The following ZNF805 variants were observed in gnomAD, a reference collection of about 807,000 sequenced individuals.
ZNF805 encodes zinc finger protein 805.
Under a neutral mutation model 13.6 loss-of-function variants are expected in ZNF805, and 7 were observed. The ratio of observed to expected loss-of-function variants is 0.51; its 90% confidence interval spans 0.29 to 0.97. The LOEUF is 0.97. ZNF805 is among the 50% of genes least tolerant of loss of function. The pLI is 0.08. For synonymous variants in ZNF805, 293 were observed against 279.8 expected, an observed-to-expected ratio of 1.05 and a Z score of -0.47; for missense variants, 604 against 771.0, an observed-to-expected ratio of 0.78 and a Z score of 2.57.
At position 57,253,402 on chromosome 19, in the gene ZNF805, G is replaced by C; in HGVS notation, c.583G>C (p.Val195Leu). ...CDSHGSGKNP[V>L]IQEEENIFKC... Reference sequence around the variant, plus strand: ...CTCACATGGATCAGGTAAAAATCCAGTTATTCAGGAAGAGGAAAATATCTT... The same window carrying C: ...CTCACATGGATCAGGTAAAAATCCACTTATTCAGGAAGAGGAAAATATCTT... The change falls in exon 4 of 4, where the codon GTT becomes CTT. Residue 195 changes from valine (V) to leucine (L), a missense_variant. By Grantham distance (32) the Val-to-Leu change is conservative (BLOSUM62 1). This residue lies in a region of ZNF805 where 327 missense variants were observed against 378.2 expected (regional missense o/e 0.86). Transcript: ENST00000414468. The surrounding 1 kb of genome is among the most constrained non-coding windows in gnomAD (Gnocchi z 4.4). The C allele has an allele frequency of 6.4e-7, 1 of 1,560,500 alleles. No homozygotes were observed. The highest frequency in any genetic ancestry group is 8.7e-7 in the Non-Finnish European group (1 of 1,151,860).
chr19:57,240,641 C>A lies in ZNF805; in HGVS notation c.-251C>A. The A allele has an allele frequency of 2.0e-6, 1 of 496,226 alleles. No homozygotes were observed. Among genetic ancestry groups the A allele is most frequent in the Non-Finnish European group, 3.6e-6 (1 of 279,330 alleles). The allele number at this position is 496,226 out of a possible 1,614,324, so 30.7% of individuals were successfully genotyped here. Reference sequence around the variant, plus strand: ...GTAATTTGGGAGCGACGGTTCCGTCCACGCCGGCTCTAGGGAGGGGGCGGT... The same window carrying A: ...GTAATTTGGGAGCGACGGTTCCGTCAACGCCGGCTCTAGGGAGGGGGCGGT... On this transcript the variant is annotated 5_prime_UTR_variant, in exon 1 of 4. Transcript: ENST00000414468.
At position 57,254,609 on chromosome 19, in the gene ZNF805, T is replaced by G; in HGVS notation, c.1790T>G (p.Val597Gly). ...ELLLGKNFLN[V>G]TTEENLLQEE... ...TTATTGGGGAAAAACTTTTTGAATG[T>G]CACCACTGAGGAAAATCTTTTGCAA... Residue 597 changes from valine to glycine, a missense_variant, in exon 4 of 4, where the codon GTC (valine) becomes GGC (glycine). This residue lies in a region of ZNF805 where 49 missense variants were observed against 40.0 expected (regional missense o/e 1.23). Transcript: ENST00000414468. 1 of 1,614,114 alleles carries G rather than the reference T, an allele frequency of 6.2e-7. No individual in the cohort carries two copies. Among genetic ancestry groups the G allele is most frequent in the Non-Finnish European group, 8.5e-7 (1 of 1,179,984 alleles).
At chr19:57,246,227 G>A (rs1042082361) in intron 2 of ZNF805, among the ~76,000 whole-genome samples, 5 of 152,196 alleles carry the variant, frequency 3.3e-5, no homozygotes, top group Admixed American at 6.5e-5. Context: ...CGGCTGGAGT[G>A]CAGTGGTTTG....
rs370856985 is a variant in ZNF805 at position 57,253,974 on chromosome 19, G to A, written c.1155G>A (p.Ala385=). Residue 385 remains alanine, a synonymous_variant, in exon 4 of 4, where the codon GCG becomes GCA. Coordinates refer to ENST00000414468, the MANE Select transcript of ZNF805 (RefSeq NM_001023563.4). The surrounding 1 kb of genome is among the most constrained non-coding windows in gnomAD (Gnocchi z 4.4). ...ECGKAFCESA[A]LIHHYVIHTG... The stretch of plus-strand genomic sequence containing the variant: ...GGAAGGCCTTCTGTGAGAGCGCAGC[G>A]CTGATTCACCACTATGTCATCCACA... 2.3e-5 allele frequency: 37 copies of A among 1,612,196 alleles called. No individual in the cohort carries two copies. The highest frequency in any genetic ancestry group is 4.0e-5 in the African/African-American group (3 of 74,280).
At chr19:57,252,660 C>T (rs767881284) in intron 3 of ZNF805, among the ~76,000 whole-genome samples, 5 of 152,214 alleles carry the variant, frequency 3.3e-5, no homozygotes, top group African/African-American at 7.2e-5. Flanking sequence ...TTCCAGCCTT[C>T]GTCCCTTTTC....
intron 1 of ZNF805, among the ~76,000 whole-genome samples, chr19:57,242,029 T>C (rs911926307): frequency 1.3e-5 from 2 of 152,246 alleles, no homozygotes; most frequent in Non-Finnish European, 1.5e-5. Context: ...TTGGCCTTCA[T>C]TGAGTCCTTG....
At position 57,259,422 on chromosome 19, in the gene ZNF805, G is replaced by A. The variant is rs1436928343; in HGVS notation, c.*4719G>A. Among the ~76,000 whole-genome samples, 4 of 151,464 alleles carry A rather than the reference G, an allele frequency of 2.6e-5. No individual in the cohort carries two copies. The highest frequency in any genetic ancestry group is 5.9e-5 in the Non-Finnish European group (4 of 67,922). On this transcript the variant is annotated 3_prime_UTR_variant, in exon 4 of 4. Transcript: ENST00000414468. ...CACTGATTCTTTTTTTCTGCCATAT[G>A]CAGTCTACTGTTGAGCTTGTCCAAT...
rs570710714 is a variant in ZNF805, at chr19:57,245,561, C to T, written c.157+1512C>T. Among the ~76,000 whole-genome samples the T allele has an allele frequency of 4.3e-3, 646 of 150,746 alleles. 15 individuals carry two copies. In the East Asian group the frequency reaches 0.068, roughly 16 times the overall value. Reference sequence around the variant, plus strand: ...TTGGGAGGCCGAGATGGGCGGATCACAAGGTCAGGAGATAGAGACCATCCT... The same window carrying T: ...TTGGGAGGCCGAGATGGGCGGATCATAAGGTCAGGAGATAGAGACCATCCT... On this transcript the variant is annotated intron_variant, in intron 2 of 3. Coordinates refer to ENST00000414468, the MANE Select transcript of ZNF805 (RefSeq NM_001023563.4).
intron 3 of ZNF805, 116 bp from the exon 4 acceptor site, chr19:57,252,957 A>G (rs891727925): frequency 1.0e-6 from 1 of 952,508 alleles, no homozygotes; most frequent in South Asian, 3.6e-5. Context: ...AGATGGCAAA[A>G]TATAACAGAC....
intron 2 of ZNF805, among the ~76,000 whole-genome samples, chr19:57,245,741 T>C (rs1006397934): frequency 9.3e-5 from 14 of 150,574 alleles, no homozygotes; most frequent in South Asian, 6.3e-4. Context: ...ATTGCACCAC[T>C]GCACTCCAGC....
chr19:57,261,147 T>C lies in ZNF805; in HGVS notation c.*6444T>C, dbSNP rs2122855032. 6.6e-6 allele frequency among the ~76,000 whole-genome samples: 1 copy of C among 152,338 alleles called. No individual in the cohort carries two copies. Among genetic ancestry groups the C allele is most frequent in the African/African-American group, 2.4e-5 (1 of 41,576 alleles). ...GTCTTTGTTTCCTGGTCATCACTTG[T>C]TTTTACTAAAATGGGTCAAACTGTG... is the stretch of plus-strand genomic sequence containing the variant. On this transcript the variant is annotated 3_prime_UTR_variant, in exon 4 of 4. Coordinates refer to ENST00000414468, the MANE Select transcript of ZNF805 (RefSeq NM_001023563.4).
chr19:57,254,224 G>A lies in ZNF805; in HGVS notation c.1405G>A (p.Asp469Asn). The change falls in exon 4 of 4, where the codon GAC becomes AAC. Residue 469 changes from aspartate to asparagine, a missense_variant. Coordinates refer to ENST00000414468, the MANE Select transcript of ZNF805 (RefSeq NM_001023563.4). ...ECGKAFSNRA[D>N]LIRHFSIHTG... Reference sequence around the variant, plus strand: ...TGGGAAAGCCTTTAGCAATAGGGCAGACCTCATTCGCCACTTCAGCATCCA... The same window carrying A: ...TGGGAAAGCCTTTAGCAATAGGGCAAACCTCATTCGCCACTTCAGCATCCA... 1 of 1,613,282 alleles carries A rather than the reference G, an allele frequency of 6.2e-7. No homozygotes were observed. The highest frequency in any genetic ancestry group is 8.5e-7 in the Non-Finnish European group (1 of 1,179,834).
rs1158204368 is a variant in ZNF805 at position 57,262,201 on chromosome 19, T to C, written c.*7498T>C. On this transcript the variant is annotated 3_prime_UTR_variant, in exon 4 of 4. Coordinates refer to ENST00000414468, the MANE Select transcript of ZNF805 (RefSeq NM_001023563.4). ...AAGAATAGCAGTCTCTGGCCTGCTC[T>C]GTTCTCTTTTTCACAGTAACTTAAA... is the stretch of plus-strand genomic sequence containing the variant. 6.0e-6 allele frequency: 1 copy of C among 167,104 alleles called. No individual in the cohort carries two copies. 10.4% of individuals were successfully genotyped at this position (167,104 alleles called of 1,614,324 possible).
intron 3 of ZNF805, among the ~76,000 whole-genome samples, chr19:57,251,821 C>T (rs898164196): frequency 1.3e-5 from 2 of 152,182 alleles, no homozygotes; most frequent in South Asian, 2.1e-4. Context: ...TTCCATTCCC[C>T]GTGTTGGTAG....
chr19:57,245,671 C>T (rs557001846), intron 2 of ZNF805, among the ~76,000 whole-genome samples: 30 of 150,398 alleles, frequency 2.0e-4, no homozygotes, highest in Non-Finnish European at 3.8e-4. Context: ...CCCAGCTACT[C>T]GGGAGGCTGA....
At chr19:57,244,120 G>A in intron 2 of ZNF805, 71 bp downstream of exon 2, 3 of 1,549,390 alleles carry the variant, frequency 1.9e-6, no homozygotes, top group Non-Finnish European at 2.6e-6. Context: ...CTCCAGGCCT[G>A]ATGGGTCAAG....
At position 57,260,946 on chromosome 19, in the gene ZNF805, T is replaced by A. The variant is rs1299409606; in HGVS notation, c.*6243T>A. On this transcript the variant is annotated 3_prime_UTR_variant, in exon 4 of 4. Coordinates refer to ENST00000414468, the MANE Select transcript of ZNF805 (RefSeq NM_001023563.4). Reference sequence around the variant, plus strand: ...CATGCGTCAGCTCTTTTAACCTTTATGACAACTCCATAATGTTATTTCCCC... The same window carrying A: ...CATGCGTCAGCTCTTTTAACCTTTAAGACAACTCCATAATGTTATTTCCCC... 6.6e-6 allele frequency among the ~76,000 whole-genome samples: 1 copy of A among 152,242 alleles called. No homozygotes were observed. The highest frequency in any genetic ancestry group is 1.5e-5 in the Non-Finnish European group (1 of 68,052).
Position 57,248,969 on chromosome 19 carries a change from G to T in ZNF805, c.253+269G>T, listed in dbSNP as rs1048551612. Among the ~76,000 whole-genome samples the T allele has an allele frequency of 5.3e-5, 8 of 152,176 alleles. 1 individual carries two copies. The highest frequency in any genetic ancestry group is 2.6e-4 in the Admixed American group (4 of 15,282). ...CCCTGGTTAGCCAGTCATCTACTCT[G>T]TGACCCCAGTGAAGTTTGTATATGA... On this transcript the variant is annotated intron_variant, in intron 3 of 3. Transcript: ENST00000414468.
At position 57,257,166 on chromosome 19, in the gene ZNF805, T is replaced by G. The variant is rs186660022; in HGVS notation, c.*2463T>G. Among the ~76,000 whole-genome samples the G allele has an allele frequency of 6.8e-4, 104 of 152,296 alleles. No homozygotes were observed. Among genetic ancestry groups the G allele is most frequent in the African/African-American group, 2.4e-3 (98 of 41,556 alleles). ...TTGAAATTTGTTGACTTTTTTTCCT[T>G]ATGACCCAGGATATAGGCTGTCTTG... is the stretch of plus-strand genomic sequence containing the variant. On this transcript the variant is annotated 3_prime_UTR_variant, in exon 4 of 4. Coordinates refer to ENST00000414468, the MANE Select transcript of ZNF805 (RefSeq NM_001023563.4).
Sources: gnomAD v4.1 joint callset for allele counts (sites outside exome capture counted in the v4.1 genomes callset) on GRCh38, gnomAD v4.1.1 for gene constraint, gnomAD v4.1.1 regional missense constraint, Gnocchi (gnomAD v3.1) non-coding constraint, MANE v1.5 for transcripts, NCBI Gene and HGNC (gene_info 2026-07-23, HGNC 2026-07-21) for gene names.